Variants in IFI16 observed in about 807,000 individuals in gnomAD.
IFI16 encodes gamma-interferon-inducible protein 16.
A neutral mutation model predicts 68.4 loss-of-function variants in IFI16; 49 were observed. That is an observed-to-expected ratio of 0.72 (90% CI 0.57 to 0.91). The LOEUF (loss-of-function observed/expected upper bound fraction) is 0.91. Among genes scored for constraint, IFI16 ranks in the 40% least tolerant of loss-of-function variants. The pLI is 0.00. For synonymous variants in IFI16, 307 were observed against 315.0 expected, an observed-to-expected ratio of 0.97 and a Z score of 0.27; for missense variants, 878 against 942.9, an observed-to-expected ratio of 0.93 and a Z score of 0.90.
At chr1:159,029,031 A>G (rs1263534073) in intron 6 of IFI16, among the ~76,000 whole-genome samples, 2 of 152,130 alleles carry the variant, frequency 1.3e-5, no homozygotes, top group Non-Finnish European at 2.9e-5. Flanking sequence ...TCATCATGCC[A>G]TTTGCTGCCT....
At chr1:159,033,488 C>T (rs1444896097) in intron 7 of IFI16, among the ~76,000 whole-genome samples, 4 of 152,162 alleles carry the variant, frequency 2.6e-5, no homozygotes, top group Non-Finnish European at 2.9e-5. Context: ...CTTAACTAGA[C>T]GTTGGTTCTT....
rs1655594438 is a variant in IFI16, at chr1:159,054,966, T to TA, written c.*66dup. The TA allele has an allele frequency of 7.2e-6, 6 of 835,488 alleles. No homozygotes were observed. Among genetic ancestry groups the TA allele is most frequent in the Non-Finnish European group, 2.0e-6 (1 of 500,500 alleles). 51.8% of individuals were successfully genotyped at this position (835,488 alleles called of 1,614,324 possible). ...GTCTAAGTGCCTAAAAAAATGTACATATACCTGGTTGAAATACAACACTAT... is the reference window on the plus strand; with the variant it reads ...GTCTAAGTGCCTAAAAAAATGTACATAATACCTGGTTGAAATACAACACTAT... On this transcript the variant is annotated 3_prime_UTR_variant, in exon 12 of 12. Coordinates refer to ENST00000295809, the MANE Select transcript of IFI16 (RefSeq NM_001376587.1).
intron 9 of IFI16, 85 bp downstream of exon 9, chr1:159,049,684 C>A: frequency 2.0e-6 from 3 of 1,532,650 alleles, no homozygotes; most frequent in Non-Finnish European, 1.8e-6. Flanking sequence ...CCTCACCAAT[C>A]CCCTACTACA....
chr1:159,019,964 C>T (rs1171902668), intron 5 of IFI16, among the ~76,000 whole-genome samples: 1 of 152,140 alleles, frequency 6.6e-6, no homozygotes, highest in Non-Finnish European at 1.5e-5. Flanking sequence ...CCTCATAAGT[C>T]ACTGAATAAA....
Position 159,054,551 on chromosome 1 carries a change from CTGT to C in IFI16, c.2278-265_2278-263del, listed in dbSNP as rs202129345. ...GGGTGCACCAGCTCCTTTCTCTCTCCTGTTGTTCCCTGACATCTCCTGCTCTTT... is the reference window on the plus strand; with the variant it reads ...GGGTGCACCAGCTCCTTTCTCTCTCCTGTTCCCTGACATCTCCTGCTCTTT... On this transcript the variant is annotated intron_variant, in intron 11 of 11. Transcript: ENST00000295809. 5.9e-3 allele frequency among the ~76,000 whole-genome samples: 892 copies of C among 152,328 alleles called. 7 individuals carry two copies. Among genetic ancestry groups the C allele is most frequent in the Middle Eastern group, 0.024 (7 of 294 alleles).
chr1:159,024,082 G>A (rs956229498), intron 6 of IFI16, among the ~76,000 whole-genome samples: 3 of 152,202 alleles, frequency 2.0e-5, no homozygotes, highest in Non-Finnish European at 4.4e-5. Context: ...GCTACCATGC[G>A]TACAAGCGTG....
upstream of IFI16, among the ~76,000 whole-genome samples, chr1:159,002,075 T>C (rs1652080105): frequency 6.6e-6 from 1 of 152,214 alleles, no homozygotes; most frequent in Non-Finnish European, 1.5e-5. Flanking sequence ...TGATAATTCC[T>C]ATCTCCAGGT....
At position 159,016,716 on chromosome 1, in the gene IFI16, T is replaced by C. The variant is rs376288996; in HGVS notation, c.549+16T>C. 6.1e-5 allele frequency: 97 copies of C among 1,598,718 alleles called. No individual in the cohort carries two copies. Among genetic ancestry groups the C allele is most frequent in the Admixed American group, 5.3e-5 (3 of 56,752 alleles). On this transcript the variant is annotated intron_variant, in intron 4 of 11. Transcript: ENST00000295809. ...TTCAACTGAGGTACACTCTTCCTGG[T>C]CCCATTTTGCTTTGTTTTTTTCAAC...
intron 4 of IFI16, among the ~76,000 whole-genome samples, chr1:159,017,103 T>G (rs578135364): frequency 6.6e-6 from 1 of 152,286 alleles, no homozygotes; most frequent in African/African-American, 2.4e-5. Flanking sequence ...TTAAACAACC[T>G]CCCCTGCATT....
intron 6 of IFI16, 50 bp downstream of exon 6, chr1:159,020,579 C>A: frequency 7.0e-7 from 1 of 1,437,136 alleles, no homozygotes; most frequent in Non-Finnish European, 9.6e-7. Flanking sequence ...AAATGATTTG[C>A]TTTAAGTTTT....
At chr1:159,031,708 G>A (rs1654009824) in intron 6 of IFI16, among the ~76,000 whole-genome samples, 1 of 152,140 alleles carries the variant, frequency 6.6e-6, no homozygotes, top group African/African-American at 2.4e-5. Flanking sequence ...GGAGCCTGCA[G>A]CAGCAGTCCG....
rs756630795 is a variant in IFI16 at position 159,045,361 on chromosome 1, G to A, written c.1394G>A (p.Ser465Asn). The A allele has an allele frequency of 1.9e-6, 3 of 1,561,604 alleles. No individual in the cohort carries two copies. Among genetic ancestry groups the A allele is most frequent in the Non-Finnish European group, 2.6e-6 (3 of 1,137,182 alleles). ...AGGATGCAGATACTGAAGGAAGGGA[G>A]TCATTTTCCAGGACCGTTCATGACC... ...FMRMQILKEG[S>N]HFPGPFMTSI... Residue 465 changes from serine (S) to asparagine (N), a missense_variant, in exon 8 of 12, where the codon AGT (serine) becomes AAT (asparagine). Physicochemically the swap from Ser to Asn is conservative, Grantham distance 46. This residue lies in a region of IFI16 where 59 missense variants were observed against 119.0 expected (regional missense o/e 0.50). Transcript: ENST00000295809.
intron 8 of IFI16, among the ~76,000 whole-genome samples, chr1:159,047,196 G>T (rs550547652): frequency 1.3e-5 from 2 of 151,260 alleles, no homozygotes; most frequent in African/African-American, 4.8e-5. Flanking sequence ...CCAGGTTGCG[G>T]ACCCGAGCAC....
At chr1:159,042,929 G>A (rs1354071211) in intron 7 of IFI16, among the ~76,000 whole-genome samples, 6 of 152,170 alleles carry the variant, frequency 3.9e-5, no homozygotes, top group Non-Finnish European at 2.9e-5. Context: ...TATGGGCAGG[G>A]AAATACTGAC....
chr1:159,033,017 C>T (rs928398671), intron 7 of IFI16, among the ~76,000 whole-genome samples: 22 of 151,964 alleles, frequency 1.4e-4, no homozygotes, highest in Middle Eastern at 3.4e-3. Flanking sequence ...CCTACATTCC[C>T]GTTTCTTTTA....
intron 6 of IFI16, among the ~76,000 whole-genome samples, chr1:159,024,368 G>C (rs564691634): frequency 6.6e-6 from 1 of 152,280 alleles, no homozygotes; most frequent in Admixed American, 6.5e-5. Flanking sequence ...AAGCGACCAA[G>C]GGCAGGTCTA....
intron 9 of IFI16, among the ~76,000 whole-genome samples, chr1:159,049,975 T>G (rs556675051): frequency 1.3e-5 from 2 of 152,336 alleles, no homozygotes; most frequent in East Asian, 3.9e-4. Flanking sequence ...AACAATATGT[T>G]TAAAAATTTA....
At chr1:159,014,620 G>T (rs1652804228) in intron 1 of IFI16, 41 bp from the exon 2 acceptor site, 1 of 1,330,280 alleles carries the variant, frequency 7.5e-7, no homozygotes, top group African/African-American at 1.5e-5. Flanking sequence ...TAAATTGTCT[G>T]TATACATGTG....
rs187868055 is a variant in IFI16, at chr1:159,044,173, C to G, written c.1330-1124C>G. ...ATAACACCATAAAAAAATGCTATGGCTAGTCCCATCTCACATGTGGGAAAA... is the reference window on the plus strand; with the variant it reads ...ATAACACCATAAAAAAATGCTATGGGTAGTCCCATCTCACATGTGGGAAAA... On this transcript the variant is annotated intron_variant, in intron 7 of 11. Coordinates refer to ENST00000295809, the MANE Select transcript of IFI16 (RefSeq NM_001376587.1). 3.9e-5 allele frequency among the ~76,000 whole-genome samples: 6 copies of G among 152,260 alleles called. 1 individual carries two copies. In the East Asian group the frequency reaches 9.6e-4, roughly 24 times the overall value.
Sources: gnomAD v4.1 joint callset for allele counts (sites outside exome capture counted in the v4.1 genomes callset) on GRCh38, gnomAD v4.1.1 for gene constraint, gnomAD v4.1.1 regional missense constraint, MANE v1.5 for transcripts, NCBI Gene and HGNC (gene_info 2026-07-23, HGNC 2026-07-21) for gene names.